Variants in SEC24D observed in about 807,000 individuals in gnomAD.
SEC24D encodes SEC24 homolog D, COPII component.
Under a neutral mutation model 116.9 loss-of-function variants are expected in SEC24D, and 69 were observed. That is an observed-to-expected ratio of 0.59 (90% CI 0.49 to 0.72). The LOEUF is 0.72. Ranked by LOEUF, SEC24D falls within the 30% of genes least tolerant of loss-of-function variation. The pLI is 0.00. For synonymous variants in SEC24D, 405 were observed against 442.8 expected (o/e 0.91, Z 1.07); for missense variants, 1,131 against 1,264.1 (o/e 0.89, Z 1.60).
chr4:118,740,354 A>G (rs1235336148), intron 17 of SEC24D, among the ~76,000 whole-genome samples: 1 of 152,208 alleles, frequency 6.6e-6, no homozygotes, highest in Non-Finnish European at 1.5e-5. Flanking sequence ...GTAGATGTGA[A>G]TAGGTGCTGA....
Position 118,741,004 on chromosome 4 carries a change from G to A in SEC24D, c.2029C>T (p.Leu677Phe). Residue 677 changes from leucine (L) to phenylalanine (F), a missense_variant, in exon 16 of 23, where the codon CTC becomes TTC. Leu to Phe is a conservative substitution (Grantham distance 22). Transcript: ENST00000280551. Reference sequence around the variant, plus strand: ...ATTTTCTTTTCAATATCATTTCTGAGGTCGTTCAAAAATTGTTGTCTATCC... The same window carrying A: ...ATTTTCTTTTCAATATCATTTCTGAAGTCGTTCAAAAATTGTTGTCTATCC... ...HLDRQQFLND[L>F]RNDIEKKIGF... is the part of the protein sequence containing the mutation. 6.3e-7 allele frequency: 1 copy of A among 1,588,542 alleles called. No individual in the cohort carries two copies. The highest frequency in any genetic ancestry group is 8.6e-7 in the Non-Finnish European group (1 of 1,165,050).
chr4:118,735,297 A>T (rs942608770), intron 19 of SEC24D, among the ~76,000 whole-genome samples: 1 of 152,210 alleles, frequency 6.6e-6, no homozygotes, highest in African/African-American at 2.4e-5. Context: ...ATCTTATTCA[A>T]TGTTTTTGAG....
chr4:118,752,995 T>C, intron 11 of SEC24D, 107 bp from the exon 12 acceptor site: 1 of 797,682 alleles, frequency 1.3e-6, no homozygotes, highest in Non-Finnish European at 1.9e-6. Flanking sequence ...CATAAAAACA[T>C]GTTTAAAGTT....
chr4:118,748,713 A>G (rs1208226623), intron 13 of SEC24D, among the ~76,000 whole-genome samples: 1 of 152,040 alleles, frequency 6.6e-6, no homozygotes, highest in Non-Finnish European at 1.5e-5. Context: ...TTTTTAATAG[A>G]AAAGACTATC....
At chr4:118,804,934 A>C (rs1357508670) in intron 7 of SEC24D, among the ~76,000 whole-genome samples, 1 of 151,342 alleles carries the variant, frequency 6.6e-6, no homozygotes, top group Non-Finnish European at 1.5e-5. Context: ...ATATACAAAG[A>C]CTCATGTACA....
intron 18 of SEC24D, among the ~76,000 whole-genome samples, chr4:118,738,724 G>C (rs1381487094): frequency 6.6e-6 from 1 of 152,136 alleles, no homozygotes; most frequent in Admixed American, 6.5e-5. Flanking sequence ...CTTTAGTGTA[G>C]AATTTCTCAA....
intron 3 of SEC24D, among the ~76,000 whole-genome samples, chr4:118,821,429 T>C (rs1246856271): frequency 1.3e-5 from 2 of 152,234 alleles, no homozygotes; most frequent in South Asian, 4.1e-4. Context: ...AGTAACTCTA[T>C]GTAGATAACT....
intron 11 of SEC24D, among the ~76,000 whole-genome samples, chr4:118,756,631 A>T (rs193171442): frequency 5.0e-4 from 76 of 152,192 alleles, no homozygotes; most frequent in Non-Finnish European, 9.9e-4. Context: ...CCTTTTCCAG[A>T]ACAAAGATTG....
intron 22 of SEC24D, among the ~76,000 whole-genome samples, chr4:118,726,882 A>C (rs1429351611): frequency 2.0e-5 from 3 of 152,208 alleles, no homozygotes; most frequent in Non-Finnish European, 4.4e-5. Context: ...AGTTCCTTCT[A>C]GATTTGATTT....
intron 6 of SEC24D, among the ~76,000 whole-genome samples, chr4:118,807,963 T>C (rs1455629730): frequency 1.3e-5 from 2 of 152,082 alleles, no homozygotes; most frequent in Non-Finnish European, 2.9e-5. Context: ...AAAAATAGAG[T>C]TGTTTTTTAT....
chr4:118,766,348 T>C (rs1252837659), intron 9 of SEC24D, among the ~76,000 whole-genome samples: 1 of 152,196 alleles, frequency 6.6e-6, no homozygotes, highest in Non-Finnish European at 1.5e-5. Context: ...GTGGAATCAC[T>C]AAAGCAAGCC....
At chr4:118,816,931 G>T in intron 4 of SEC24D, 2 of 324,082 alleles carry the variant, frequency 6.2e-6, no homozygotes, top group South Asian at 2.6e-5. Flanking sequence ...ACAATACAAG[G>T]TTTAAATTAT....
chr4:118,775,757 T>C (rs1440834314), intron 8 of SEC24D, among the ~76,000 whole-genome samples: 2 of 152,192 alleles, frequency 1.3e-5, no homozygotes, highest in Non-Finnish European at 2.9e-5. Flanking sequence ...GGGAAAATAG[T>C]ACATGTGTTA....
chr4:118,798,702 C>G (rs878871362), intron 7 of SEC24D, among the ~76,000 whole-genome samples: 2 of 152,168 alleles, frequency 1.3e-5, no homozygotes, highest in African/African-American at 4.8e-5. Context: ...AAAAGCATAT[C>G]TAGTGAAGGG....
rs188296776 is a variant in SEC24D, at chr4:118,817,332, C to T, written c.329G>A (p.Gly110Asp). 1.2e-5 allele frequency: 20 copies of T among 1,613,638 alleles called. No homozygotes were observed. The highest frequency in any genetic ancestry group is 2.2e-5 in the East Asian group (1 of 44,848). The change falls in exon 4 of 23, where the codon GGT becomes GAT. Residue 110 changes from glycine (G) to aspartate (D), a missense_variant. By Grantham distance (94) the Gly-to-Asp change is moderately conservative. Transcript: ENST00000280551. ...GGTGACAGATGAAGTGGATATAGGA[C>T]CTGGATAAGAAGATTGTGCAGAGGG... ...YQPSAQSSYPGPISTSSVTQL... is the reference protein window; with the variant it reads ...YQPSAQSSYPDPISTSSVTQL...
rs1731087086 is a variant in SEC24D at position 118,836,105 on chromosome 4, G to C, written c.-206C>G. The C allele has an allele frequency of 6.6e-6, 1 of 152,186 alleles. No homozygotes were observed. The highest frequency in any genetic ancestry group is 2.1e-4 in the South Asian group (1 of 4,830). 9.4% of individuals were successfully genotyped at this position (152,186 alleles called of 1,614,324 possible). A position where few individuals can be genotyped will look rare whatever the true frequency, so the allele number is the denominator to read the frequency against. On this transcript the variant is annotated 5_prime_UTR_variant, in exon 1 of 23. Transcript: ENST00000280551. ...GACTCACGCTCGGAGTTGCAGCTGG[G>C]CTGGGAACTGCCACGTCAAACCCTT...
In SEC24D at chr4:118,764,839, C is replaced by A; in HGVS notation, c.1259G>T (p.Gly420Val). 1 of 1,608,976 alleles carries A rather than the reference C, an allele frequency of 6.2e-7. No homozygotes were observed. The highest frequency in any genetic ancestry group is 8.5e-7 in the Non-Finnish European group (1 of 1,175,668). The change falls in exon 10 of 23, where the codon GGA (glycine) becomes GTA (valine). Residue 420 changes from glycine to valine, a missense_variant. Coordinates refer to ENST00000280551, the MANE Select transcript of SEC24D (RefSeq NM_014822.4). ...CAAAGTGGCAACATATTCATAAGAT[C>A]CTAGAGATAACTCTGGTTTCTCATA... is the stretch of plus-strand genomic sequence containing the variant. ...DHYEKPELSL[G>V]SYEYVATLDY...
At position 118,732,889 on chromosome 4, in the gene SEC24D, T is replaced by C; in HGVS notation, c.2520A>G (p.Lys840=). The stretch of plus-strand genomic sequence containing the variant: ...AGCAATTCATGTACACTGGCAATAC[T>C]TTCATGGAATCTGGTAGAATAAGCT... ...ASQLILPDSM[K]VLPVYMNCLL... is the part of the protein sequence containing the mutation. The change falls in exon 20 of 23, where the codon AAA becomes AAG. Residue 840 remains lysine (K), a synonymous_variant. Coordinates refer to ENST00000280551, the MANE Select transcript of SEC24D (RefSeq NM_014822.4). 2 of 1,613,684 alleles carry C rather than the reference T, an allele frequency of 1.2e-6. No homozygotes were observed. The highest frequency in any genetic ancestry group is 1.7e-6 in the Non-Finnish European group (2 of 1,179,774).
At chr4:118,732,545 T>C (rs1259086262) in intron 20 of SEC24D, among the ~76,000 whole-genome samples, 188 bp downstream of exon 20, 2 of 152,274 alleles carry the variant, frequency 1.3e-5, no homozygotes, top group East Asian at 3.9e-4. Flanking sequence ...AGTGAACACA[T>C]ACTGATGCAC....
Sources: gnomAD v4.1 joint callset for allele counts (sites outside exome capture counted in the v4.1 genomes callset) on GRCh38, gnomAD v4.1.1 for gene constraint, MANE v1.5 for transcripts, NCBI Gene and HGNC (gene_info 2026-07-23, HGNC 2026-07-21) for gene names.